The following TMEM255B variants were observed in gnomAD, a reference collection of about 807,000 sequenced individuals.
The protein encoded by TMEM255B is transmembrane protein 255B, also known as family with sequence similarity 70, member B.
A neutral mutation model predicts 34.5 loss-of-function variants in TMEM255B; 35 were observed. The observed-to-expected ratio is 1.01, with a 90% CI of 0.77 to 1.34. TMEM255B has a LOEUF of 1.34. Ranked by LOEUF, TMEM255B falls within the 40% of genes most tolerant of loss-of-function variation. The pLI is 0.00. For synonymous variants in TMEM255B, 206 were observed against 201.2 expected, an observed-to-expected ratio of 1.02 and a Z score of -0.20; for missense variants, 432 against 433.2, an observed-to-expected ratio of 1.00 and a Z score of 0.02.
chr13:113,781,915 T>G (rs967606103), intron 3 of TMEM255B, among the ~76,000 whole-genome samples: 1 of 152,248 alleles, frequency 6.6e-6, no homozygotes. Context: ...TCCTTTCTTA[T>G]ATAAATATTC....
At chr13:113,796,415 CAGAGCACACACCACACAG>C (rs1369603653) in intron 4 of TMEM255B, among the ~76,000 whole-genome samples, 21 of 62,602 alleles carry the variant, frequency 3.4e-4, no homozygotes, top group Non-Finnish European at 8.2e-4. Context: ...ACACACCACA[CAGAGCACACACCACACAG>C]AGCACACACC....
At chr13:113,763,534 A>G (rs2050341316) in intron 1 of TMEM255B, among the ~76,000 whole-genome samples, 1 of 152,200 alleles carries the variant, frequency 6.6e-6, no homozygotes, top group Admixed American at 6.5e-5. Flanking sequence ...AACAAATTGC[A>G]AGATTTCAGT....
intron 3 of TMEM255B, among the ~76,000 whole-genome samples, chr13:113,782,348 T>G (rs1393173994): frequency 6.6e-6 from 1 of 152,296 alleles, no homozygotes; most frequent in East Asian, 1.9e-4. Flanking sequence ...TGTAGTTTAA[T>G]TTAATATAAC....
At chr13:113,774,602 CACACACCACACAAT>C (rs1248765074) in intron 3 of TMEM255B, among the ~76,000 whole-genome samples, 1 of 148,790 alleles carries the variant, frequency 6.7e-6, no homozygotes, top group East Asian at 2.0e-4. Context: ...ACACAAATGA[CACACACCACACAAT>C]ACACACCACA....
intron 3 of TMEM255B, among the ~76,000 whole-genome samples, chr13:113,784,197 T>C (rs1290136933): frequency 6.6e-6 from 1 of 152,088 alleles, no homozygotes; most frequent in African/African-American, 2.4e-5. Flanking sequence ...TGGGCACCCA[T>C]GTGAGCTGGT....
At position 113,799,421 on chromosome 13, in the gene TMEM255B, T is replaced by G. The variant is rs202149127; in HGVS notation, c.423+2T>G. On this transcript the variant is annotated splice_donor_variant, in intron 5 of 8. Coordinates refer to ENST00000375353, the MANE Select transcript of TMEM255B (RefSeq NM_182614.4). LOFTEE classifies it high-confidence loss of function. Reference sequence around the variant, plus strand: ...TTGTACGATGTCTACCAGACAGAGGTGAGCAGGAGCACTGAGATTCATGTG... The same window carrying G: ...TTGTACGATGTCTACCAGACAGAGGGGAGCAGGAGCACTGAGATTCATGTG... 9.3e-6 allele frequency: 15 copies of G among 1,613,422 alleles called. No individual in the cohort carries two copies. In the East Asian group the frequency reaches 3.1e-4, roughly 34 times the overall value.
chr13:113,780,098 A>G (rs191154777), intron 3 of TMEM255B, among the ~76,000 whole-genome samples: 11 of 152,326 alleles, frequency 7.2e-5, no homozygotes, highest in Admixed American at 2.6e-4. Context: ...TTAAATACCT[A>G]TGAGTTGGGT....
chr13:113,765,993 A>G (rs1200741880), intron 1 of TMEM255B, 122 bp from the exon 2 acceptor site: 14 of 1,316,046 alleles, frequency 1.1e-5, no homozygotes, highest in Non-Finnish European at 1.5e-5. Context: ...GTGGGCCTGG[A>G]GGCAGGCGGG....
intron 8 of TMEM255B, among the ~76,000 whole-genome samples, chr13:113,808,523 TG>T (rs890420493): frequency 2.0e-5 from 3 of 151,394 alleles, no homozygotes; most frequent in Non-Finnish European, 4.4e-5. Context: ...TCCATGTTCC[TG>T]GGGGTTTACT....
In TMEM255B at chr13:113,761,665, A is replaced by G. The variant is rs141758266; in HGVS notation, c.46+2350A>G. 4.0e-3 allele frequency among the ~76,000 whole-genome samples: 615 copies of G among 152,292 alleles called. 4 individuals are homozygous for G. Among genetic ancestry groups the G allele is most frequent in the Middle Eastern group, 0.017 (5 of 294 alleles). On this transcript the variant is annotated intron_variant, in intron 1 of 8. Transcript: ENST00000375353. ...TCTTAAAGTTCACACCACCCTGATG[A>G]TTAGCATATGCATTCCATTTACAAA...
chr13:113,785,657 C>T (rs2050729397), intron 3 of TMEM255B, among the ~76,000 whole-genome samples: 1 of 152,214 alleles, frequency 6.6e-6, no homozygotes, highest in Non-Finnish European at 1.5e-5. Context: ...GGTTTTGAAA[C>T]CCTTAGGTCA....
chr13:113,762,190 C>T (rs557445809), intron 1 of TMEM255B, among the ~76,000 whole-genome samples: 9 of 151,250 alleles, frequency 6.0e-5, no homozygotes, highest in Admixed American at 5.9e-4. Flanking sequence ...GAAAATCTGA[C>T]CTTATAATTA....
At chr13:113,793,852 T>C (rs1165779629) in intron 3 of TMEM255B, among the ~76,000 whole-genome samples, 1 of 152,056 alleles carries the variant, frequency 6.6e-6, no homozygotes, top group Non-Finnish European at 1.5e-5. Context: ...GCCTGTGGTG[T>C]GGAGGGTCAG....
intron 3 of TMEM255B, among the ~76,000 whole-genome samples, chr13:113,782,822 G>A (rs1482565748): frequency 1.3e-5 from 2 of 152,204 alleles, no homozygotes; most frequent in Non-Finnish European, 2.9e-5. Flanking sequence ...AGTGTCCAGC[G>A]TTGCCACATC....
chr13:113,798,136 T>C (rs956444591), intron 4 of TMEM255B, among the ~76,000 whole-genome samples: 1 of 151,738 alleles, frequency 6.6e-6, no homozygotes, highest in Admixed American at 6.6e-5. Flanking sequence ...TGGGTGGATG[T>C]GGATGAATGG....
intron 1 of TMEM255B, 41 bp from the exon 2 acceptor site, chr13:113,766,074 C>G (rs769192753): frequency 1.2e-6 from 2 of 1,610,470 alleles, no homozygotes; most frequent in Admixed American, 3.3e-5. Flanking sequence ...CCCTCCTGAG[C>G]CTGAGCCCTC....
intron 3 of TMEM255B, among the ~76,000 whole-genome samples, chr13:113,788,659 C>A (rs1175542717): frequency 1.3e-5 from 2 of 152,142 alleles, no homozygotes; most frequent in African/African-American, 4.8e-5. Context: ...CCCATCCGGG[C>A]CCTGGCTCTG....
At position 113,812,928 on chromosome 13, in the gene TMEM255B, T is replaced by TGAGTCACAGGC. The variant is rs1566341899; in HGVS notation, c.*1025_*1026insGAGTCACAGGC. On this transcript the variant is annotated 3_prime_UTR_variant, in exon 9 of 9. Coordinates refer to ENST00000375353, the MANE Select transcript of TMEM255B (RefSeq NM_182614.4). ...TCACAGGCCCCGGGTGAGTCACGGG[T>TGAGTCACAGGC]CCCGGGTGGGTCACGGGTCCCGGGT... 1 of 109,448 alleles carries TGAGTCACAGGC rather than the reference T, an allele frequency of 9.1e-6. No individual in the cohort carries two copies. The highest frequency in any genetic ancestry group is 4.2e-5 in the African/African-American group (1 of 23,790). 6.8% of individuals were successfully genotyped at this position (109,448 alleles called of 1,614,324 possible). A position where few individuals can be genotyped will look rare whatever the true frequency, so the allele number is the denominator to read the frequency against.
At chr13:113,774,376 C>A (rs1225492463) in intron 3 of TMEM255B, among the ~76,000 whole-genome samples, 1 of 152,194 alleles carries the variant, frequency 6.6e-6, no homozygotes, top group Non-Finnish European at 1.5e-5. Flanking sequence ...ACATATGAAT[C>A]ATTTATTTCA....
Sources: gnomAD v4.1 joint callset for allele counts (sites outside exome capture counted in the v4.1 genomes callset) on GRCh38, gnomAD v4.1.1 for gene constraint, MANE v1.5 for transcripts, NCBI Gene and HGNC (gene_info 2026-07-23, HGNC 2026-07-21) for gene names.